The following KRT84 variants were observed in gnomAD, a reference collection of about 807,000 sequenced individuals.
KRT84 encodes the protein keratin 84, also known as keratin, type II cuticular Hb4.
Under a neutral mutation model 49.0 loss-of-function variants are expected in KRT84, and 38 were observed. The ratio of observed to expected loss-of-function variants is 0.78; its 90% CI spans 0.60 to 1.02. The LOEUF (loss-of-function observed/expected upper bound fraction) is 1.02, where lower values mean the gene tolerates loss of function less well. Among genes scored for constraint, KRT84 ranks in the 50% least tolerant of loss-of-function variants. The pLI is 0.00. For synonymous variants in KRT84, 334 were observed against 312.8 expected (o/e 1.07, Z -0.72); for missense variants, 860 against 788.6 (o/e 1.09, Z -1.08).
At chr12:52,383,872 G>T in intron 1 of KRT84, 74 bp from the exon 2 acceptor site, 2 of 1,226,360 alleles carry the variant, frequency 1.6e-6, no homozygotes, top group Non-Finnish European at 1.2e-6. Flanking sequence ...CTCTTGAGAT[G>T]GCCAGCGATG....
intron 5 of KRT84, 41 bp downstream of exon 5, chr12:52,381,320 C>G (rs766981703): frequency 1.2e-6 from 2 of 1,613,384 alleles, no homozygotes; most frequent in Non-Finnish European, 1.7e-6. Context: ...TGAGTCATTC[C>G]CAGAGCTGCC....
intron 7 of KRT84, 36 bp from the exon 8 acceptor site, chr12:52,379,943 C>T: frequency 6.3e-7 from 1 of 1,586,566 alleles, no homozygotes; most frequent in Non-Finnish European, 8.7e-7. Flanking sequence ...TTCACATGCA[C>T]TATTGTTTCC....
Position 52,381,171 on chromosome 12 carries a change from C to A in KRT84, c.1112G>T (p.Cys371Phe), listed in dbSNP as rs1313850428. 1 of 1,614,190 alleles carries A rather than the reference C, an allele frequency of 6.2e-7. No individual in the cohort carries two copies. Among genetic ancestry groups the A allele is most frequent in the African/African-American group, 1.3e-5 (1 of 75,050 alleles). The change falls in exon 6 of 9, where the codon TGT becomes TTT. Residue 371 changes from cysteine (C) to phenylalanine (F), a missense_variant. Transcript: ENST00000257951. ...GTTCCGTATGTTGCGCAGGTTGTCA[C>A]AGTGTTGGCCAGCTGTCACCTGCAT... ...EEMQVTAGQH[C>F]DNLRNIRNEI... is the part of the protein sequence containing the mutation.
chr12:52,382,863 A>C (rs1271148249), intron 3 of KRT84, 142 bp downstream of exon 3: 6 of 697,710 alleles, frequency 8.6e-6, no homozygotes, highest in Admixed American at 2.4e-5. Context: ...ATCTCTTGTT[A>C]TCTCTGAGAT....
At chr12:52,382,367 G>A in intron 4 of KRT84, 70 bp downstream of exon 4, 1 of 1,029,410 alleles carries the variant, frequency 9.7e-7, no homozygotes, top group Non-Finnish European at 1.5e-6. Flanking sequence ...TGCTAGCCCA[G>A]GCTAAGCATT....
Position 52,385,621 on chromosome 12 carries a change from A to G in KRT84, c.-36T>C. ...TGGTTGGGAGCAAAAGAGCAAGTGT[A>G]GAATGGGTGAGCTGGAGCTGGGAGT... On this transcript the variant is annotated 5_prime_UTR_variant, in exon 1 of 9. Coordinates refer to ENST00000257951, the MANE Select transcript of KRT84 (RefSeq NM_033045.4). 6.3e-7 allele frequency: 1 copy of G among 1,589,584 alleles called. No homozygotes were observed. Among genetic ancestry groups the G allele is most frequent in the South Asian group, 1.1e-5 (1 of 87,880 alleles).
intron 8 of KRT84, 36 bp from the exon 9 acceptor site, chr12:52,378,416 A>G: frequency 7.1e-7 from 1 of 1,412,330 alleles, no homozygotes; most frequent in Non-Finnish European, 9.3e-7. Flanking sequence ...GGCTGCCGAC[A>G]CCAGGGCCCT....
Position 52,383,798 on chromosome 12 carries a change from C to A in KRT84, c.547G>T (p.Val183Phe). ...NNKFASFIDK[V>F]RFLEQQNKLL... is the part of the protein sequence containing the mutation. ...TTATTCTGCTGCTCTAGGAACCGAA[C>A]CTAAATCCACAGGGCACAGAAATGG... The change falls in exon 2 of 9, where the codon GTT (valine) becomes TTT (phenylalanine). Residue 183 changes from valine (V) to phenylalanine (F), a missense_variant and splice_region_variant. Coordinates refer to ENST00000257951, the MANE Select transcript of KRT84 (RefSeq NM_033045.4). 6.2e-7 allele frequency: 1 copy of A among 1,610,604 alleles called. No homozygotes were observed.
intron 6 of KRT84, 115 bp from the exon 7 acceptor site, chr12:52,380,698 A>G: frequency 9.2e-7 from 1 of 1,090,626 alleles, no homozygotes; most frequent in Non-Finnish European, 1.3e-6. Context: ...GCAGGGATGG[A>G]CCCCATGGTG....
intron 8 of KRT84, among the ~76,000 whole-genome samples, chr12:52,378,872 G>A (rs962136134): frequency 2.0e-5 from 3 of 152,188 alleles, no homozygotes; most frequent in African/African-American, 7.2e-5. Flanking sequence ...ACTGGTGGCT[G>A]TGCTCTGTAG....
chr12:52,385,386 G>A lies in KRT84; in HGVS notation c.200C>T (p.Ala67Val), dbSNP rs757396424. The change falls in exon 1 of 9, where the codon GCT becomes GTT. Residue 67 changes from alanine (A) to valine (V), a missense_variant. Transcript: ENST00000257951. Reference protein sequence around the residue: ...TFGSYSPRIAAVGSRPIHCGV... With the variant: ...TFGSYSPRIAVVGSRPIHCGV... ...ACAGTGGATGGGCCGAGAGCCTACA[G>A]CTGCTATCCGGGGTGAGTACGATCC... 24 of 1,614,084 alleles carry A rather than the reference G, an allele frequency of 1.5e-5. No homozygotes were observed. The African/African-American group carries it at 2.5e-4, about 17-fold the overall frequency.
At position 52,382,484 on chromosome 12, in the gene KRT84, C is replaced by T; in HGVS notation, c.865G>A (p.Asp289Asn). 6.2e-7 allele frequency: 1 copy of T among 1,614,154 alleles called. No homozygotes were observed. The highest frequency in any genetic ancestry group is 8.5e-7 in the Non-Finnish European group (1 of 1,179,986). Reference protein sequence around the residue: ...MNKSDLEANVDTLTQEIDFLK... With the variant: ...MNKSDLEANVNTLTQEIDFLK... ...AAGTCAATTTCCTGAGTTAGGGTAT[C>T]CACGTTGGCCTCGAGATCAGACTTG... The change falls in exon 4 of 9, where the codon GAT becomes AAT. Residue 289 changes from aspartate (D) to asparagine (N), a missense_variant. Transcript: ENST00000257951.
At chr12:52,378,459 G>A (rs1017585369) in intron 8 of KRT84, 79 bp from the exon 9 acceptor site, 17 of 1,120,370 alleles carry the variant, frequency 1.5e-5, no homozygotes, top group South Asian at 1.8e-5. Context: ...CTGCACCTCC[G>A]GGTCTGGTGG....
At chr12:52,382,926 C>T (rs373933396) in intron 3 of KRT84, 79 bp downstream of exon 3, 5 of 1,215,072 alleles carry the variant, frequency 4.1e-6, no homozygotes, top group East Asian at 4.6e-5. Flanking sequence ...ACAGGGCTGC[C>T]TGAGCAGTTT....
rs1302983994 is a variant in KRT84, at chr12:52,381,118, G to A, written c.1165C>T (p.Gln389Ter). 2 of 1,614,120 alleles carry A rather than the reference G, an allele frequency of 1.2e-6. No homozygotes were observed. Among genetic ancestry groups the A allele is most frequent in the Admixed American group, 3.3e-5 (2 of 60,016 alleles). Residue 389 changes from glutamine to a stop codon, truncating the protein, a stop_gained, in exon 6 of 9, where the codon CAG becomes TAG. Coordinates refer to ENST00000257951, the MANE Select transcript of KRT84 (RefSeq NM_033045.4). LOFTEE classifies it high-confidence loss of function. ...NEINELTRLI[Q>*]RLKAEIEHAK... is the part of the protein sequence containing the mutation. The stretch of plus-strand genomic sequence containing the variant: ...TGCTCAATCTCTGCCTTAAGCCTCT[G>A]GATCAGGCGGGTCAGTTCGTTGATC...
At chr12:52,380,653 G>T (rs1053924327) in intron 6 of KRT84, 70 bp from the exon 7 acceptor site, 3 of 1,445,420 alleles carry the variant, frequency 2.1e-6, no homozygotes, top group Non-Finnish European at 2.8e-6. Context: ...TTAGAAACAC[G>T]GCCCCTCTTA....
chr12:52,378,103 G>A lies in KRT84; in HGVS notation c.1734C>T (p.Ser578=), dbSNP rs1939416403. The A allele has an allele frequency of 1.3e-6, 2 of 1,514,440 alleles. No individual in the cohort carries two copies. The highest frequency in any genetic ancestry group is 1.4e-5 in the African/African-American group (1 of 70,290). 93.8% of individuals were successfully genotyped at this position (1,514,440 alleles called of 1,614,324 possible). The change falls in exon 9 of 9, where the codon AGC becomes AGT. Residue 578 remains serine, a synonymous_variant. Coordinates refer to ENST00000257951, the MANE Select transcript of KRT84 (RefSeq NM_033045.4). ...CGCTGGAGCTGCGGCCGCCGCTGCA[G>A]CTGCTGAAGCCCCCCTGGGTGGGCA... ...CPLPTQGGFS[S]CSGGRSSSVR...
intron 2 of KRT84, 82 bp from the exon 3 acceptor site, chr12:52,383,147 A>T (rs1939512907): frequency 1.8e-6 from 2 of 1,134,090 alleles, no homozygotes; most frequent in African/African-American, 1.5e-5. Flanking sequence ...ACCTTGCAAG[A>T]TCTCTCAGTC....
intron 6 of KRT84, 41 bp from the exon 7 acceptor site, chr12:52,380,624 A>G (rs747343186): frequency 1.3e-6 from 2 of 1,542,402 alleles, no homozygotes; most frequent in Non-Finnish European, 1.8e-6. Context: ...CGGCAGTGCC[A>G]GGGCATCCCC....
Sources: allele counts gnomAD v4.1 joint callset (sites outside exome capture counted in the v4.1 genomes callset), GRCh38; gene constraint gnomAD v4.1.1; transcripts MANE v1.5; gene names NCBI Gene and HGNC (gene_info 2026-07-23, HGNC 2026-07-21).